Variants in FGF13 observed in about 807,000 individuals in gnomAD.
The protein encoded by FGF13 is fibroblast growth factor homologous factor 2.
A neutral mutation model predicts 19.5 loss-of-function variants in FGF13; 2 were observed. The observed-to-expected ratio is 0.10, with a 90% CI of 0.04 to 0.32. The LOEUF is 0.32. Ranked by LOEUF, FGF13 falls within the 10% of genes least tolerant of loss-of-function variation. The pLI, the probability that FGF13 is intolerant of heterozygous loss-of-function variation, is 1.00. For synonymous variants in FGF13, 72 were observed against 76.9 expected, an observed-to-expected ratio of 0.94 and a Z score of 0.33; for missense variants, 113 against 192.7, an observed-to-expected ratio of 0.59 and a Z score of 2.45.
intron 1 of FGF13, among the ~76,000 whole-genome samples, chrX:138,876,464 C>CT (rs1282321083): frequency 8.9e-6 from 1 of 112,282 alleles, no homozygotes; most frequent in Non-Finnish European, 1.9e-5. Context: ...ACCTTCAGGC[C>CT]TTAAAAAAGT....
At chrX:138,810,430 T>A (rs774224102) in intron 3 of FGF13, among the ~76,000 whole-genome samples, 1 of 111,411 alleles carries the variant, frequency 9.0e-6, no homozygotes, top group Non-Finnish European at 1.9e-5. Flanking sequence ...TTACACCTTA[T>A]ACAAAAATTA....
upstream of FGF13, chrX:138,716,015 C>G (rs1363602416): frequency 8.9e-6 from 1 of 112,055 alleles, no homozygotes; most frequent in Non-Finnish European, 1.9e-5. Context: ...ACAGCCTAAT[C>G]GGGAGCAGCC....
chrX:138,761,431 T>C (rs1158739625), intron 3 of FGF13, among the ~76,000 whole-genome samples: 1 of 111,342 alleles, frequency 9.0e-6, no homozygotes, highest in Non-Finnish European at 1.9e-5. Context: ...TTTGGGAATG[T>C]TTAAGGTCAA....
intron 1 of FGF13, among the ~76,000 whole-genome samples, chrX:139,088,969 G>A (rs1044793328): frequency 9.8e-5 from 11 of 112,001 alleles, no homozygotes; most frequent in African/African-American, 3.2e-4. Context: ...CAGAAAGTGG[G>A]GTCTCACCAG....
intron 1 of FGF13, among the ~76,000 whole-genome samples, chrX:139,098,020 C>T (rs1304625154): frequency 9.0e-6 from 1 of 111,480 alleles, no homozygotes; most frequent in African/African-American, 3.3e-5. Flanking sequence ...GTGTCATATG[C>T]ACTTTTTGAA....
chrX:138,655,280 T>C (rs1280631836), intron 3 of FGF13, among the ~76,000 whole-genome samples: 1 of 111,797 alleles, frequency 8.9e-6, no homozygotes, highest in Non-Finnish European at 1.9e-5. Context: ...GTCTGTTCAA[T>C]ATCTGTTTCT....
At chrX:139,000,633 T>C (rs1314656017) in intron 1 of FGF13, among the ~76,000 whole-genome samples, 1 of 111,334 alleles carries the variant, frequency 9.0e-6, no homozygotes, top group African/African-American at 3.3e-5. Flanking sequence ...TTACAAGGGA[T>C]GTGAAGGACC....
chrX:138,620,014 C>T lies in FGF13; in HGVS notation c.*12836G>A, dbSNP rs186751792. The T allele has an allele frequency of 4.1e-4, 46 of 111,666 alleles. No homozygotes were observed. Among genetic ancestry groups the T allele is most frequent in the African/African-American group, 1.4e-3 (43 of 30,730 alleles). The allele number at this position is 111,666 out of a possible 1,213,427, so 9.2% of individuals were successfully genotyped here. The stretch of plus-strand genomic sequence containing the variant: ...TCATTCTATTACAAAGATACATGCA[C>T]GCATATGTTCACTGCAGCACTGTTC... On this transcript the variant is annotated 3_prime_UTR_variant, in exon 5 of 5. Coordinates refer to ENST00000315930, the MANE Select transcript of FGF13 (RefSeq NM_004114.5).
intron 1 of FGF13, among the ~76,000 whole-genome samples, chrX:139,079,076 A>G (rs1006667244): frequency 8.9e-6 from 1 of 112,199 alleles, no homozygotes; most frequent in Admixed American, 9.5e-5. Flanking sequence ...GAATTCACCA[A>G]TCCATCCTCA....
chrX:138,878,420 C>T (rs1342670045), intron 1 of FGF13, among the ~76,000 whole-genome samples: 12 of 104,945 alleles, frequency 1.1e-4, no homozygotes, highest in Non-Finnish European at 1.6e-4. Flanking sequence ...TTTGTCCTTG[C>T]GATAGTTTGC....
intron 3 of FGF13, among the ~76,000 whole-genome samples, chrX:138,822,967 C>A (rs1414933220): frequency 4.5e-5 from 5 of 111,815 alleles, no homozygotes. Context: ...GGATAACCAA[C>A]ACTGCACAGA....
chrX:139,026,414 T>G (rs2092201182), intron 1 of FGF13, among the ~76,000 whole-genome samples: 1 of 111,730 alleles, frequency 9.0e-6, no homozygotes, highest in African/African-American at 3.3e-5. Flanking sequence ...ACAAAGTAAA[T>G]CACATAAAAA....
intron 3 of FGF13, among the ~76,000 whole-genome samples, chrX:138,680,576 CTTT>C (rs758218437): frequency 9.0e-6 from 1 of 111,577 alleles, no homozygotes; most frequent in Admixed American, 9.6e-5. Flanking sequence ...TGAAAAGAAT[CTTT>C]TTTTCCCCCC....
chrX:138,649,419 A>G, intron 3 of FGF13, among the ~76,000 whole-genome samples: 1 of 111,930 alleles, frequency 8.9e-6, no homozygotes. Context: ...CTGACTTCCA[A>G]CTAAAATAAA....
Position 139,060,575 on chromosome X carries a change from T to C in FGF13, c.-113+142841A>G, listed in dbSNP as rs140653873. On this transcript the variant is annotated intron_variant, in intron 1 of 2. Transcript: ENST00000421460. ...TGTTTGACATTGTTTCTTCAATATA[T>C]ATATTTCAGAAATGATATTTTTCCT... Among the ~76,000 whole-genome samples, 83 of 111,843 alleles carry C rather than the reference T, an allele frequency of 7.4e-4. 1 individual carries two copies. The East Asian group carries it at 0.015, about 21-fold the overall frequency.
chrX:138,958,898 T>G, intron 1 of FGF13, among the ~76,000 whole-genome samples: 1 of 111,810 alleles, frequency 8.9e-6, no homozygotes, highest in Non-Finnish European at 1.9e-5. Context: ...TGCGACTATT[T>G]GATTCTTCTC....
At chrX:139,120,630 C>T (rs185849843) in intron 1 of FGF13, among the ~76,000 whole-genome samples, 1 of 112,252 alleles carries the variant, frequency 8.9e-6, no homozygotes, top group East Asian at 2.8e-4. Context: ...CCACCAGAAA[C>T]AGTAGGTTTG....
chrX:139,167,596 A>C (rs978403235), intron 1 of FGF13, among the ~76,000 whole-genome samples: 1 of 111,965 alleles, frequency 8.9e-6, no homozygotes, highest in Non-Finnish European at 1.9e-5. Flanking sequence ...AGGTGTCAAA[A>C]CCTCAACTGA....
intron 1 of FGF13, among the ~76,000 whole-genome samples, chrX:139,113,110 A>T (rs2083615943): frequency 9.1e-6 from 1 of 109,776 alleles, no homozygotes; most frequent in South Asian, 4.0e-4. Flanking sequence ...ACAAAAGGGT[A>T]AATGTTCACA....
Sources: gnomAD v4.1 joint callset for allele counts (sites outside exome capture counted in the v4.1 genomes callset) on GRCh38, gnomAD v4.1.1 for gene constraint, MANE v1.5 for transcripts, NCBI Gene and HGNC (gene_info 2026-07-23, HGNC 2026-07-21) for gene names.